The following ADIPOR2 variants were observed in gnomAD, a reference collection of about 807,000 sequenced individuals.
The protein encoded by ADIPOR2 is adiponectin receptor 2.
Under a neutral mutation model 40.9 loss-of-function variants are expected in ADIPOR2, and 18 were observed. The ratio of observed to expected loss-of-function variants is 0.44; its 90% CI spans 0.30 to 0.65. The LOEUF is 0.65. Ranked by LOEUF, ADIPOR2 falls within the 30% of genes least tolerant of loss-of-function variation. ADIPOR2 has a pLI of 0.09. For missense variants in ADIPOR2, 283 were observed against 479.2 expected, an observed-to-expected ratio of 0.59 and a Z score of 3.82; for synonymous variants, 165 against 166.4, an observed-to-expected ratio of 0.99 and a Z score of 0.06.
intron 1 of ADIPOR2, among the ~76,000 whole-genome samples, chr12:1,716,604 T>C (rs1156681697): frequency 6.6e-6 from 1 of 152,238 alleles, no homozygotes. Context: ...AATTTCCTGC[T>C]TTGAAACTTT....
intron 1 of ADIPOR2, chr12:1,703,121 T>C (rs1027056049): frequency 4.6e-5 from 7 of 152,354 alleles, no homozygotes; most frequent in South Asian, 2.1e-4. Flanking sequence ...ACAATCTAAA[T>C]GTTAAAAATA....
chr12:1,741,704 C>T (rs913349255), intron 1 of ADIPOR2, among the ~76,000 whole-genome samples: 28 of 152,082 alleles, frequency 1.8e-4, no homozygotes, highest in Non-Finnish European at 1.8e-4. Flanking sequence ...TAGAGAATGC[C>T]TTTGGGACAC....
intron 1 of ADIPOR2, among the ~76,000 whole-genome samples, chr12:1,704,787 G>C (rs1225069238): frequency 6.6e-6 from 1 of 152,172 alleles, no homozygotes; most frequent in Non-Finnish European, 1.5e-5. Flanking sequence ...AGTCTAAGAA[G>C]TGTTGCTGCT....
In ADIPOR2 at chr12:1,780,590, CCA is replaced by C. The variant is rs753523903; in HGVS notation, c.608_609del (p.Thr203SerfsTer14). On this transcript the variant is annotated frameshift_variant, in exon 5 of 8. Transcript: ENST00000357103. LOFTEE classifies it high-confidence loss of function. ...ILCLSFSWLF[H>X]TVYCHSEGVS... Reference sequence around the variant, plus strand: ...TCTGCCTTTCTTTTTCATGGCTCTTCCACACAGTCTACTGCCACTCAGAGGGG... The same window carrying C: ...TCTGCCTTTCTTTTTCATGGCTCTTCCACAGTCTACTGCCACTCAGAGGGG... The C allele has an allele frequency of 6.2e-7, 1 of 1,613,456 alleles. No homozygotes were observed. The highest frequency in any genetic ancestry group is 8.5e-7 in the Non-Finnish European group (1 of 1,179,780).
At chr12:1,740,451 C>T (rs117564798) in intron 1 of ADIPOR2, among the ~76,000 whole-genome samples, 2,292 of 152,306 alleles carry the variant, frequency 0.015, 23 homozygotes, top group Middle Eastern at 0.054. Context: ...ATGTATTCCT[C>T]CCTGGTGTCT....
rs553566436 is a variant in ADIPOR2 at position 1,709,403 on chromosome 12, A to G, written c.-87+18212A>G. ...GTTTCATTTTTTCCAATTTGGTGCT[A>G]GTATGTAGATTACAATTGATTGGTG... On this transcript the variant is annotated intron_variant, in intron 1 of 7. Transcript: ENST00000357103. Among the ~76,000 whole-genome samples, 5 of 152,298 alleles carry G rather than the reference A, an allele frequency of 3.3e-5. No individual in the cohort carries two copies. In the South Asian group the frequency reaches 1.0e-3, roughly 32 times the overall value.
intron 3 of ADIPOR2, 31 bp downstream of exon 3, chr12:1,772,992 CTA>C (rs1291090156): frequency 2.5e-6 from 4 of 1,608,764 alleles, no homozygotes; most frequent in Non-Finnish European, 2.5e-6. Context: ...CATTGTCATG[CTA>C]TATATTTAGC....
intron 1 of ADIPOR2, among the ~76,000 whole-genome samples, chr12:1,737,903 A>G (rs894088672): frequency 3.9e-5 from 6 of 152,008 alleles, no homozygotes; most frequent in African/African-American, 7.3e-5. Flanking sequence ...CATGCTTCCA[A>G]TTTAAGATTT....
intron 1 of ADIPOR2, among the ~76,000 whole-genome samples, chr12:1,738,327 G>A (rs2094735523): frequency 6.6e-6 from 1 of 151,046 alleles, no homozygotes; most frequent in Non-Finnish European, 1.5e-5. Flanking sequence ...GCTGCAGTAT[G>A]AGCTGTGATT....
At chr12:1,745,554 T>C (rs2094753194) in intron 1 of ADIPOR2, among the ~76,000 whole-genome samples, 1 of 152,214 alleles carries the variant, frequency 6.6e-6, no homozygotes. Context: ...TCCTAAAAAA[T>C]TTATGTTGAT....
chr12:1,736,829 T>C (rs1592599495), intron 1 of ADIPOR2, among the ~76,000 whole-genome samples: 1 of 152,368 alleles, frequency 6.6e-6, no homozygotes, highest in East Asian at 1.9e-4. Flanking sequence ...TTCTCATTGG[T>C]TTCAAAAAAC....
At chr12:1,704,055 ATTTTTTTTTT>A (rs57190793) in intron 1 of ADIPOR2, among the ~76,000 whole-genome samples, 2 of 67,536 alleles carry the variant, frequency 3.0e-5, no homozygotes, top group Non-Finnish European at 5.6e-5. Context: ...TCTACCTGGA[ATTTTTTTTTT>A]TTTTTTTTTT....
At chr12:1,747,895 G>A (rs900467333) in intron 1 of ADIPOR2, among the ~76,000 whole-genome samples, 3 of 152,092 alleles carry the variant, frequency 2.0e-5, no homozygotes, top group African/African-American at 7.2e-5. Flanking sequence ...TGAGGCATCT[G>A]TCTGGATGTC....
At chr12:1,765,337 A>C (rs1165782205) in intron 2 of ADIPOR2, among the ~76,000 whole-genome samples, 1 of 152,176 alleles carries the variant, frequency 6.6e-6, no homozygotes, top group African/African-American at 2.4e-5. Context: ...TAATTTTTGA[A>C]GTAATTAGCC....
chr12:1,723,670 A>G (rs1476634010), intron 1 of ADIPOR2, among the ~76,000 whole-genome samples: 1 of 151,858 alleles, frequency 6.6e-6, no homozygotes, highest in Non-Finnish European at 1.5e-5. Context: ...CAAAACAACA[A>G]CAACAAAAGT....
intron 1 of ADIPOR2, among the ~76,000 whole-genome samples, chr12:1,715,858 C>G (rs1592582634): frequency 6.6e-6 from 1 of 152,224 alleles, no homozygotes; most frequent in Non-Finnish European, 1.5e-5. Flanking sequence ...AGTCAGCACC[C>G]TGTAAAATGG....
chr12:1,783,019 T>A (rs1862755015), intron 6 of ADIPOR2, among the ~76,000 whole-genome samples: 1 of 146,142 alleles, frequency 6.8e-6, no homozygotes, highest in South Asian at 2.2e-4. Context: ...GAGTCTTGCT[T>A]TGTAGCCCAG....
At chr12:1,783,646 A>C (rs1169023668) in intron 6 of ADIPOR2, among the ~76,000 whole-genome samples, 2 of 152,186 alleles carry the variant, frequency 1.3e-5, no homozygotes, top group African/African-American at 2.4e-5. Flanking sequence ...GGTGTGAGCC[A>C]CTGCACCCGG....
At chr12:1,768,819 A>G (rs1260129146) in intron 2 of ADIPOR2, among the ~76,000 whole-genome samples, 3 of 152,110 alleles carry the variant, frequency 2.0e-5, no homozygotes, top group Non-Finnish European at 2.9e-5. Context: ...TACTGAAAAC[A>G]GATGGCGGGA....
Sources: gnomAD v4.1 joint callset for allele counts (sites outside exome capture counted in the v4.1 genomes callset) on GRCh38, gnomAD v4.1.1 for gene constraint, MANE v1.5 for transcripts, NCBI Gene and HGNC (gene_info 2026-07-23, HGNC 2026-07-21) for gene names.